The following KBTBD6 variants were observed in gnomAD, a reference collection of about 807,000 sequenced individuals.
The protein encoded by KBTBD6 is kelch repeat and BTB domain containing 6.
KBTBD6 carries 6 observed loss-of-function variants against 34.4 expected under a neutral mutation model. The observed-to-expected ratio is 0.17, with a 90% CI of 0.10 to 0.34. The LOEUF is 0.34. Ranked by LOEUF, KBTBD6 falls within the 10% of genes least tolerant of loss-of-function variation. KBTBD6 has a pLI of 1.00. For synonymous variants in KBTBD6, 288 were observed against 327.2 expected, an observed-to-expected ratio of 0.88 and a Z score of 1.29; for missense variants, 557 against 856.0, an observed-to-expected ratio of 0.65 and a Z score of 4.36.
At position 41,132,777 on chromosome 13, in the gene KBTBD6, G is replaced by A. The variant is rs2030137447; in HGVS notation, c.-266C>T. 1 of 514,992 alleles carries A rather than the reference G, an allele frequency of 1.9e-6. No homozygotes were observed. The highest frequency in any genetic ancestry group is 3.5e-6 in the Non-Finnish European group (1 of 282,508). The allele number at this position is 514,992 out of a possible 1,614,324, so 31.9% of individuals were successfully genotyped here. A position where few individuals can be genotyped will look rare whatever the true frequency, so the allele number is the denominator to read the frequency against. ...CCGCTGGCTTGGAGCCGCAGAAGCC[G>A]CTACTGCAGCGTGGGCGACAATGCT... On this transcript the variant is annotated 5_prime_UTR_variant, in exon 1 of 1. Transcript: ENST00000379485.
rs1383709669 is a variant in KBTBD6, at chr13:41,132,625, G to C, written c.-114C>G. 1.6e-5 allele frequency: 20 copies of C among 1,253,790 alleles called. No individual in the cohort carries two copies. The highest frequency in any genetic ancestry group is 2.1e-5 in the Non-Finnish European group (19 of 898,820). The allele number at this position is 1,253,790 out of a possible 1,614,324, so 77.7% of individuals were successfully genotyped here. On this transcript the variant is annotated 5_prime_UTR_variant, in exon 1 of 1. Transcript: ENST00000379485. ...TAGCAGCGTCTCCGAAGAGACAGCAGCACGAGCCCATTTACTGAATTCAAC... is the reference window on the plus strand; with the variant it reads ...TAGCAGCGTCTCCGAAGAGACAGCACCACGAGCCCATTTACTGAATTCAAC...
chr13:41,128,401 G>A lies in KBTBD6; in HGVS notation c.*2086C>T. ...AAGAGGTAAGTACTTCTGTTTTAGT[G>A]TGTTTAACAATGTCAGTTTCGTGGG... is the stretch of plus-strand genomic sequence containing the variant. On this transcript the variant is annotated 3_prime_UTR_variant, in exon 1 of 1. Coordinates refer to ENST00000379485, the MANE Select transcript of KBTBD6 (RefSeq NM_152903.5). 7.7e-6 allele frequency: 3 copies of A among 387,784 alleles called. No homozygotes were observed. The highest frequency in any genetic ancestry group is 1.4e-5 in the Non-Finnish European group (3 of 218,834). 24.0% of individuals were successfully genotyped at this position (387,784 alleles called of 1,614,324 possible). A position where few individuals can be genotyped will look rare whatever the true frequency, so the allele number is the denominator to read the frequency against.
rs779415392 is a variant in KBTBD6 at position 41,131,809 on chromosome 13, T to G, written c.703A>C (p.Ser235Arg). ...GCCACATGGCACACTGTCTGCTCAC[T>G]CTCCACGTCCAGACTATCCAAGCGC... ...VLRLDSLDVESEQTVCHVAVQ... is the reference protein window; with the variant it reads ...VLRLDSLDVEREQTVCHVAVQ... The change falls in exon 1 of 1, where the codon AGT becomes CGT. Residue 235 changes from serine (S) to arginine (R), a missense_variant. Physicochemically the swap from Ser to Arg is moderately radical, Grantham distance 110. Around this residue, in one of 4 missense-constraint regions of KBTBD6, gnomAD observed 100 missense variants for 102.1 expected, o/e 0.98. Transcript: ENST00000379485. This position sits in a 1 kb window ranked among gnomAD's most constrained non-coding sequence, Gnocchi z 5.8. 5 of 1,614,086 alleles carry G rather than the reference T, an allele frequency of 3.1e-6. No homozygotes were observed. Among genetic ancestry groups the G allele is most frequent in the Non-Finnish European group, 4.2e-6 (5 of 1,180,042 alleles).
Position 41,130,443 on chromosome 13 carries a change from G to C in KBTBD6, c.*44C>G. The C allele has an allele frequency of 1.5e-6, 2 of 1,360,370 alleles. No individual in the cohort carries two copies. The highest frequency in any genetic ancestry group is 2.3e-5 in the East Asian group (1 of 43,250). 84.3% of individuals were successfully genotyped at this position (1,360,370 alleles called of 1,614,324 possible). On this transcript the variant is annotated 3_prime_UTR_variant, in exon 1 of 1. Transcript: ENST00000379485. The surrounding 1 kb of genome is among the most constrained non-coding windows in gnomAD (Gnocchi z 4.8). ...TTTCCAAAACAGTAAAAACAACTTA[G>C]TGTTTCAATCTAGTTACAACAAACC...
rs755037173 is a variant in KBTBD6 at position 41,130,456 on chromosome 13, G to C, written c.*31C>G. On this transcript the variant is annotated 3_prime_UTR_variant, in exon 1 of 1. Coordinates refer to ENST00000379485, the MANE Select transcript of KBTBD6 (RefSeq NM_152903.5). The surrounding 1 kb of genome is among the most constrained non-coding windows in gnomAD (Gnocchi z 4.8). Reference sequence around the variant, plus strand: ...AAAAACAACTTAGTGTTTCAATCTAGTTACAACAAACCCTGTTGATCCTGT... The same window carrying C: ...AAAAACAACTTAGTGTTTCAATCTACTTACAACAAACCCTGTTGATCCTGT... The C allele has an allele frequency of 6.7e-6, 10 of 1,491,306 alleles. No individual in the cohort carries two copies. In the African/African-American group the frequency reaches 1.4e-4, roughly 21 times the overall value. 92.4% of individuals were successfully genotyped at this position (1,491,306 alleles called of 1,614,324 possible).
In KBTBD6 at chr13:41,132,179, G is replaced by A; in HGVS notation, c.333C>T (p.Ser111=). ...CGGCGTCCACATCGTGCATGGTCAC[G>A]CTGGCCTGCTGGCTCTCGTACATGC... ...TGGMYESQQA[S]VTMHDVDAES... Residue 111 remains serine (S), a synonymous_variant, in exon 1 of 1, where the codon AGC becomes AGT. Coordinates refer to ENST00000379485, the MANE Select transcript of KBTBD6 (RefSeq NM_152903.5). The A allele has an allele frequency of 6.2e-7, 1 of 1,614,228 alleles. No homozygotes were observed. The highest frequency in any genetic ancestry group is 8.5e-7 in the Non-Finnish European group (1 of 1,180,042).
chr13:41,130,912 T>A lies in KBTBD6; in HGVS notation c.1600A>T (p.Met534Leu). The A allele has an allele frequency of 6.2e-7, 1 of 1,614,186 alleles. No homozygotes were observed. The highest frequency in any genetic ancestry group is 8.5e-7 in the Non-Finnish European group (1 of 1,180,022). The change falls in exon 1 of 1, where the codon ATG (methionine) becomes TTG (leucine). Residue 534 changes from methionine to leucine, a missense_variant. Transcript: ENST00000379485. The surrounding 1 kb of genome is among the most constrained non-coding windows in gnomAD (Gnocchi z 4.8). ...EIYCICDIPV[M>L]KVYNPVRAEW... ...GCCCTAACTGGGTTGTAGACCTTCA[T>A]GACTGGGATATCACAGATACAATAG...
chr13:41,130,799 G>A lies in KBTBD6; in HGVS notation c.1713C>T (p.Ile571=). 1 of 1,614,188 alleles carries A rather than the reference G, an allele frequency of 6.2e-7. No homozygotes were observed. Among genetic ancestry groups the A allele is most frequent in the South Asian group, 1.1e-5 (1 of 91,084 alleles). ...IIKHGQKLLL[I]TSRTPQWKKN... ...TTTTCCACTGTGGGGTGCGAGAGGT[G>A]ATGAGCAACAATTTTTGGCCATGCT... Residue 571 remains isoleucine (I), a synonymous_variant, in exon 1 of 1, where the codon ATC becomes ATT. Coordinates refer to ENST00000379485, the MANE Select transcript of KBTBD6 (RefSeq NM_152903.5). The surrounding 1 kb of genome is among the most constrained non-coding windows in gnomAD (Gnocchi z 4.8).
chr13:41,132,464 G>A lies in KBTBD6; in HGVS notation c.48C>T (p.Pro16=), dbSNP rs757243042. 5.6e-6 allele frequency: 9 copies of A among 1,614,224 alleles called. No individual in the cohort carries two copies. Among genetic ancestry groups the A allele is most frequent in the Non-Finnish European group, 7.6e-6 (9 of 1,180,038 alleles). The change falls in exon 1 of 1, where the codon CCC becomes CCT. Residue 16 remains proline (P), a synonymous_variant. Transcript: ENST00000379485. ...TCTTCTTGGGCCGCTTCCCACCACG[G>A]GGACTGGCTAGGCGGCGAGAGCGCG... The part of the protein sequence containing the change: ...DAPRSRRLAS[P]RGGKRPKKIH...
chr13:41,131,815 C>A lies in KBTBD6; in HGVS notation c.697G>T (p.Val233Leu), dbSNP rs748704774. ...TGGCACACTGTCTGCTCACTCTCCA[C>A]GTCCAGACTATCCAAGCGCAGGACA... ...LAVLRLDSLD[V>L]ESEQTVCHVA... The change falls in exon 1 of 1, where the codon GTG becomes TTG. Residue 233 changes from valine to leucine, a missense_variant. Val to Leu is a conservative substitution (Grantham distance 32). Around this residue, in one of 4 missense-constraint regions of KBTBD6, gnomAD observed 100 missense variants for 102.1 expected, o/e 0.98. Transcript: ENST00000379485. This position sits in a 1 kb window ranked among gnomAD's most constrained non-coding sequence, Gnocchi z 5.8. The A allele has an allele frequency of 1.9e-6, 3 of 1,614,262 alleles. No homozygotes were observed. Among genetic ancestry groups the A allele is most frequent in the South Asian group, 1.1e-5 (1 of 91,092 alleles).
chr13:41,132,322 C>A lies in KBTBD6; in HGVS notation c.190G>T (p.Asp64Tyr), dbSNP rs775605055. Residue 64 changes from aspartate (D) to tyrosine (Y), a missense_variant, in exon 1 of 1, where the codon GAT becomes TAT. Physicochemically the swap from Asp to Tyr is radical, Grantham distance 160 (BLOSUM62 -3). Transcript: ENST00000379485. Reference sequence around the variant, plus strand: ...GGCGTCACCACCTCGATGGTCACATCACACAGCAGCCGCGCATCGTAGAAG... The same window carrying A: ...GGCGTCACCACCTCGATGGTCACATAACACAGCAGCCGCGCATCGTAGAAG... ...KSFYDARLLC[D>Y]VTIEVVTPGS... 6.2e-7 allele frequency: 1 copy of A among 1,614,268 alleles called. No homozygotes were observed. Among genetic ancestry groups the A allele is most frequent in the Non-Finnish European group, 8.5e-7 (1 of 1,180,060 alleles).
Position 41,130,766 on chromosome 13 carries a change from C to A in KBTBD6, c.1746G>T (p.Arg582=), listed in dbSNP as rs531726165. The change falls in exon 1 of 1, where the codon CGG becomes CGT. Residue 582 remains arginine, a synonymous_variant. Transcript: ENST00000379485. This position sits in a 1 kb window ranked among gnomAD's most constrained non-coding sequence, Gnocchi z 4.8. ...TAATATCATATTCATACACAGTCAC[C>A]CGGTTCTTTTTCCACTGTGGGGTGC... ...TSRTPQWKKN[R]VTVYEYDIRG... 6.2e-7 allele frequency: 1 copy of A among 1,614,130 alleles called. No homozygotes were observed. The highest frequency in any genetic ancestry group is 1.1e-5 in the South Asian group (1 of 91,070).
rs1593451230 is a variant in KBTBD6 at position 41,132,721 on chromosome 13, C to G, written c.-210G>C. ...ACTCACCCTCTCTCACTCCCGCGTC[C>G]TTTCTCCGCGTCTGCTCGCCTTCAC... On this transcript the variant is annotated 5_prime_UTR_variant, in exon 1 of 1. Coordinates refer to ENST00000379485, the MANE Select transcript of KBTBD6 (RefSeq NM_152903.5). 5 of 632,578 alleles carry G rather than the reference C, an allele frequency of 7.9e-6. No individual in the cohort carries two copies. In the East Asian group the frequency reaches 1.4e-4, roughly 18 times the overall value. The allele number at this position is 632,578 out of a possible 1,614,324, so 39.2% of individuals were successfully genotyped here.
Position 41,132,287 on chromosome 13 carries a change from C to A in KBTBD6, c.225G>T (p.Gly75=), listed in dbSNP as rs535421085. The A allele has an allele frequency of 2.1e-5, 34 of 1,614,214 alleles. No individual in the cohort carries two copies. In the East Asian group the frequency reaches 7.1e-4, roughly 34 times the overall value. The change falls in exon 1 of 1, where the codon GGG becomes GGT. Residue 75 remains glycine, a synonymous_variant. Coordinates refer to ENST00000379485, the MANE Select transcript of KBTBD6 (RefSeq NM_152903.5). ...AGGGGAACAGGCGACCCGTGCCAGG[C>A]CCGCTGCCAGGCGTCACCACCTCGA... is the stretch of plus-strand genomic sequence containing the variant. The part of the protein sequence containing the change: ...VTIEVVTPGS[G]PGTGRLFPCN...
At position 41,131,845 on chromosome 13, in the gene KBTBD6, G is replaced by A. The variant is rs201189647; in HGVS notation, c.667C>T (p.Leu223=). Residue 223 remains leucine, a synonymous_variant, in exon 1 of 1, where the codon CTG becomes TTG. Transcript: ENST00000379485. The surrounding 1 kb of genome is among the most constrained non-coding windows in gnomAD (Gnocchi z 5.8). The part of the protein sequence containing the change: ...TLADLTLAQL[L]AVLRLDSLDV... Reference sequence around the variant, plus strand: ...AGACTATCCAAGCGCAGGACAGCCAGCAGCTGGGCCAGGGTCAGATCTGCT... The same window carrying A: ...AGACTATCCAAGCGCAGGACAGCCAACAGCTGGGCCAGGGTCAGATCTGCT... 1.9e-6 allele frequency: 3 copies of A among 1,614,256 alleles called. No homozygotes were observed. The highest frequency in any genetic ancestry group is 3.3e-5 in the Admixed American group (2 of 60,032).
chr13:41,131,321 T>C lies in KBTBD6; in HGVS notation c.1191A>G (p.Leu397=), dbSNP rs778908499. ...VCISPDHDIY[L]AAQPRTDLWV... ...AGAGGTCTGTCCTGGGCTGAGCAGC[T>C]AGATAGATGTCATGGTCAGGAGAGA... Residue 397 remains leucine, a synonymous_variant, in exon 1 of 1, where the codon CTA becomes CTG. Transcript: ENST00000379485. The surrounding 1 kb of genome is among the most constrained non-coding windows in gnomAD (Gnocchi z 5.8). The C allele has an allele frequency of 1.9e-6, 3 of 1,614,170 alleles. No homozygotes were observed. The highest frequency in any genetic ancestry group is 3.3e-5 in the Admixed American group (2 of 60,028).
In KBTBD6 at chr13:41,130,672, G is replaced by C; in HGVS notation, c.1840C>G (p.Leu614Val). ...LLQFDSNFFC[L>V]SARVYPSCLE... ...CAGGAAGGATAAACACGAGCAGAGAGGCAAAAAAAGTTAGAATCAAACTGC... is the reference window on the plus strand; with the variant it reads ...CAGGAAGGATAAACACGAGCAGAGACGCAAAAAAAGTTAGAATCAAACTGC... The change falls in exon 1 of 1, where the codon CTC (leucine) becomes GTC (valine). Residue 614 changes from leucine (L) to valine (V), a missense_variant. Coordinates refer to ENST00000379485, the MANE Select transcript of KBTBD6 (RefSeq NM_152903.5). This position sits in a 1 kb window ranked among gnomAD's most constrained non-coding sequence, Gnocchi z 4.8. 1 of 1,614,080 alleles carries C rather than the reference G, an allele frequency of 6.2e-7. No individual in the cohort carries two copies. Among genetic ancestry groups the C allele is most frequent in the Non-Finnish European group, 8.5e-7 (1 of 1,180,016 alleles).
At position 41,130,649 on chromosome 13, in the gene KBTBD6, G is replaced by A. The variant is rs373586194; in HGVS notation, c.1863C>T (p.Ser621=). The A allele has an allele frequency of 1.9e-6, 3 of 1,614,070 alleles. No homozygotes were observed. In the African/African-American group the frequency reaches 4.0e-5, roughly 22 times the overall value. The stretch of plus-strand genomic sequence containing the variant: ...GGAAACTCTGACCAGGTTCAAGGCA[G>A]GAAGGATAAACACGAGCAGAGAGGC... ...FFCLSARVYP[S]CLEPGQSFLT... The change falls in exon 1 of 1, where the codon TCC becomes TCT. Residue 621 remains serine, a synonymous_variant. Transcript: ENST00000379485. This position sits in a 1 kb window ranked among gnomAD's most constrained non-coding sequence, Gnocchi z 4.8.
In KBTBD6 at chr13:41,132,701, C is replaced by G. The variant is rs1455328718; in HGVS notation, c.-190G>C. ...TATCGTTTAGACAGTGGCTGACTCA[C>G]CCTCTCTCACTCCCGCGTCCTTTCT... On this transcript the variant is annotated 5_prime_UTR_variant, in exon 1 of 1. Transcript: ENST00000379485. 3.0e-6 allele frequency: 2 copies of G among 676,248 alleles called. No individual in the cohort carries two copies. Among genetic ancestry groups the G allele is most frequent in the Non-Finnish European group, 5.0e-6 (2 of 398,952 alleles). 41.9% of individuals were successfully genotyped at this position (676,248 alleles called of 1,614,324 possible). A position where few individuals can be genotyped will look rare whatever the true frequency, so the allele number is the denominator to read the frequency against.
Sources: gnomAD v4.1 joint callset for allele counts on GRCh38, gnomAD v4.1.1 for gene constraint, gnomAD v4.1.1 regional missense constraint, Gnocchi (gnomAD v3.1) non-coding constraint, MANE v1.5 for transcripts, NCBI Gene and HGNC (gene_info 2026-07-23, HGNC 2026-07-21) for gene names.